MACROD2: variants seen among roughly 807,000 people sequenced by gnomAD.
MACROD2 encodes the protein mono-ADP ribosylhydrolase 2.
Under a neutral mutation model 70.4 loss-of-function variants are expected in MACROD2, and 36 were observed. The observed-to-expected ratio is 0.51, with a 90% CI of 0.39 to 0.68. The LOEUF is 0.68. Among genes scored for constraint, MACROD2 ranks in the 30% least tolerant of loss-of-function variants. The probability of loss-of-function intolerance (pLI) is 0.00; values close to 1 mark genes in which losing one functional copy is unlikely to be tolerated. For missense variants in MACROD2, 496 were observed against 538.4 expected (o/e 0.92, Z 0.78); for synonymous variants, 172 against 178.8 (o/e 0.96, Z 0.30).
chr20:14,721,610 C>T (rs574314233), intron 5 of MACROD2, among the ~76,000 whole-genome samples: 1 of 152,106 alleles, frequency 6.6e-6, no homozygotes, highest in Non-Finnish European at 1.5e-5. Flanking sequence ...GTGGGTGATT[C>T]CTCTGACCCT....
chr20:15,633,315 G>A (rs1158980970), intron 8 of MACROD2, among the ~76,000 whole-genome samples: 1 of 152,122 alleles, frequency 6.6e-6, no homozygotes. Flanking sequence ...TCTTAAAACT[G>A]GACCTTACAG....
chr20:15,214,229 C>T (rs2076789287), intron 5 of MACROD2, among the ~76,000 whole-genome samples: 2 of 152,078 alleles, frequency 1.3e-5, no homozygotes, highest in South Asian at 4.1e-4. Flanking sequence ...GGTGACTTGA[C>T]CCATTTAGAG....
intron 2 of MACROD2, chr20:14,052,086 G>A (rs2053574930): frequency 2.6e-6 from 1 of 381,660 alleles, no homozygotes. Flanking sequence ...CTCTTTCTTG[G>A]AAGAGTGGGT....
At chr20:15,180,532 T>C (rs1037168831) in intron 5 of MACROD2, among the ~76,000 whole-genome samples, 4 of 152,208 alleles carry the variant, frequency 2.6e-5, no homozygotes, top group African/African-American at 9.6e-5. Flanking sequence ...CTGGAGGAAT[T>C]TCTAGTTCAA....
intron 5 of MACROD2, among the ~76,000 whole-genome samples, chr20:14,830,419 C>T (rs1297337568): frequency 6.6e-6 from 1 of 151,988 alleles, no homozygotes; most frequent in African/African-American, 2.4e-5. Context: ...TTTAAAAAAT[C>T]ATATTCTTAC....
intron 4 of MACROD2, among the ~76,000 whole-genome samples, chr20:14,647,318 C>T (rs1174899183): frequency 6.6e-6 from 1 of 152,104 alleles, no homozygotes; most frequent in Non-Finnish European, 1.5e-5. Context: ...AGTTTTGTTT[C>T]AGCAGCTCAT....
At chr20:15,085,867 AC>A (rs1568565906) in intron 5 of MACROD2, among the ~76,000 whole-genome samples, 26 of 110,480 alleles carry the variant, frequency 2.4e-4, no homozygotes, top group Middle Eastern at 4.3e-3. Context: ...TAACACACAC[AC>A]ACACAACACA....
At chr20:15,585,886 A>G (rs8115611) in intron 8 of MACROD2, among the ~76,000 whole-genome samples, 2,611 of 152,186 alleles carry the variant, frequency 0.017, 73 homozygotes, top group African/African-American at 0.059. Context: ...CACACTATCA[A>G]CAGAAACCTC....
At chr20:14,921,346 A>C (rs2074160862) in intron 5 of MACROD2, among the ~76,000 whole-genome samples, 1 of 152,108 alleles carries the variant, frequency 6.6e-6, no homozygotes, top group Non-Finnish European at 1.5e-5. Context: ...ATTTAGGAGG[A>C]GATTGATTTA....
intron 3 of MACROD2, among the ~76,000 whole-genome samples, chr20:14,353,877 G>A (rs2122701662): frequency 6.6e-6 from 1 of 152,212 alleles, no homozygotes. Context: ...GATTGGCTGG[G>A]GGGCAAGGCT....
At chr20:15,880,867 C>T (rs1476211235) in intron 9 of MACROD2, among the ~76,000 whole-genome samples, 3 of 152,040 alleles carry the variant, frequency 2.0e-5, no homozygotes, top group Non-Finnish European at 4.4e-5. Flanking sequence ...CTACTGTAGC[C>T]TTTCTTTTTC....
intron 2 of MACROD2, among the ~76,000 whole-genome samples, chr20:14,021,050 C>T (rs1022313855): frequency 1.4e-4 from 19 of 137,362 alleles, no homozygotes; most frequent in Admixed American, 6.4e-4. Flanking sequence ...AGTGCAGTGG[C>T]GCCATCTCGG....
chr20:15,909,480 T>C (rs1302158337), intron 10 of MACROD2, among the ~76,000 whole-genome samples: 1 of 151,934 alleles, frequency 6.6e-6, no homozygotes, highest in African/African-American at 2.4e-5. Flanking sequence ...CAATCTGATC[T>C]GCTTCAGTAT....
chr20:14,753,548 T>A (rs1387733224), intron 5 of MACROD2, among the ~76,000 whole-genome samples: 1 of 152,112 alleles, frequency 6.6e-6, no homozygotes, highest in Non-Finnish European at 1.5e-5. Flanking sequence ...TTTCATATTC[T>A]ATTTTTACTT....
At chr20:15,682,058 T>C (rs2050167127) in intron 8 of MACROD2, among the ~76,000 whole-genome samples, 2 of 152,288 alleles carry the variant, frequency 1.3e-5, no homozygotes, top group South Asian at 4.1e-4. Context: ...AGCACCTGTT[T>C]TGTCAATCCT....
intron 17 of MACROD2, 44 bp from the exon 18 acceptor site, chr20:16,049,786 A>G (rs772971733): frequency 2.5e-6 from 4 of 1,602,372 alleles, no homozygotes; most frequent in East Asian, 2.2e-5. Context: ...GCCTGTGAAG[A>G]TGTCTTATCT....
At chr20:15,537,558 C>G (rs1242568832) in intron 8 of MACROD2, among the ~76,000 whole-genome samples, 1 of 150,624 alleles carries the variant, frequency 6.6e-6, no homozygotes, top group Non-Finnish European at 1.5e-5. Context: ...ACTGCAACCT[C>G]CACCTCCCAG....
At chr20:15,317,002 A>G (rs1307155205) in intron 6 of MACROD2, among the ~76,000 whole-genome samples, 1 of 152,058 alleles carries the variant, frequency 6.6e-6, no homozygotes, top group Non-Finnish European at 1.5e-5. Context: ...CAAAATTCCT[A>G]AACATGAATG....
At chr20:15,333,702 C>T (rs183370363) in intron 6 of MACROD2, among the ~76,000 whole-genome samples, 2 of 151,436 alleles carry the variant, frequency 1.3e-5, no homozygotes, top group East Asian at 1.9e-4. Context: ...TCCTCAAAGG[C>T]GTGTTAGGAG....
Sources: gnomAD v4.1 joint callset for allele counts (sites outside exome capture counted in the v4.1 genomes callset) on GRCh38, gnomAD v4.1.1 for gene constraint, MANE v1.5 for transcripts, NCBI Gene and HGNC (gene_info 2026-07-23, HGNC 2026-07-21) for gene names.